The following ZBTB7C variants were observed in gnomAD, a reference collection of about 807,000 sequenced individuals.
The protein encoded by ZBTB7C is zinc finger and BTB domain containing 7C.
In ZBTB7C, 8 loss-of-function variants were observed where a neutral mutation model predicts 25.7. The observed-to-expected ratio is 0.31, with a 90% CI of 0.18 to 0.56. The LOEUF is 0.56. ZBTB7C is among the 20% of genes least tolerant of loss of function. The probability of loss-of-function intolerance (pLI) is 0.91; values close to 1 mark genes in which losing one functional copy is unlikely to be tolerated. For missense variants in ZBTB7C, 824 were observed against 855.2 expected (o/e 0.96, Z 0.46); for synonymous variants, 394 against 369.0 (o/e 1.07, Z -0.78).
Position 48,269,879 on chromosome 18 carries a change from G to GT in ZBTB7C, c.-79+68294dup, listed in dbSNP as rs767334224. Reference sequence around the variant, plus strand: ...TCCACACTGGAGGTTCATTAGCTTGGTCCAGAACAGGATTAAAATAACCTA... The same window carrying GT: ...TCCACACTGGAGGTTCATTAGCTTGGTTCCAGAACAGGATTAAAATAACCTA... On this transcript the variant is annotated intron_variant, in intron 2 of 4. Coordinates refer to ENST00000590800, the MANE Select transcript of ZBTB7C (RefSeq NM_001318841.2). 4.5e-4 allele frequency among the ~76,000 whole-genome samples: 68 copies of GT among 152,218 alleles called. 3 individuals carry two copies. The highest frequency in any genetic ancestry group is 2.5e-3 in the East Asian group (13 of 5,172).
At chr18:48,288,405 T>C (rs2045120493) in intron 2 of ZBTB7C, among the ~76,000 whole-genome samples, 2 of 150,828 alleles carry the variant, frequency 1.3e-5, no homozygotes, top group African/African-American at 4.9e-5. Context: ...TCCCCCACTT[T>C]GGGAGGCCAA....
chr18:48,063,138 G>C (rs1002854608), intron 3 of ZBTB7C, among the ~76,000 whole-genome samples: 6 of 152,204 alleles, frequency 3.9e-5, no homozygotes, highest in African/African-American at 1.4e-4. Flanking sequence ...GACTTTCCTG[G>C]TTGAAGCATT....
chr18:48,395,393 GTGTGTGTGTC>G, intron 1 of ZBTB7C, among the ~76,000 whole-genome samples: 2 of 144,944 alleles, frequency 1.4e-5, no homozygotes, highest in Non-Finnish European at 3.1e-5. Context: ...GTGTGTGTGT[GTGTGTGTGTC>G]AGAGGGGTTG....
intron 2 of ZBTB7C, among the ~76,000 whole-genome samples, chr18:48,320,471 G>A (rs1202830496): frequency 6.6e-6 from 1 of 152,194 alleles, no homozygotes; most frequent in Non-Finnish European, 1.5e-5. Context: ...GGCAGAGGCT[G>A]GGAGGCCAAT....
intron 3 of ZBTB7C, among the ~76,000 whole-genome samples, chr18:48,095,419 T>G (rs1258048665): frequency 1.3e-5 from 2 of 152,176 alleles, no homozygotes; most frequent in Non-Finnish European, 2.9e-5. Context: ...AAATGATTAT[T>G]GGGCCGAGCA....
intron 1 of ZBTB7C, among the ~76,000 whole-genome samples, chr18:48,338,681 G>A (rs993206081): frequency 1.3e-5 from 2 of 152,070 alleles, no homozygotes; most frequent in African/African-American, 4.8e-5. Flanking sequence ...TCATCTGCCT[G>A]AAAGACTCAC....
chr18:48,234,420 C>T (rs78838878), intron 2 of ZBTB7C, among the ~76,000 whole-genome samples: 3,255 of 152,218 alleles, frequency 0.021, 61 homozygotes, highest in Middle Eastern at 0.041. Context: ...ACCCCAACCC[C>T]GGTCTTTTCC....
At chr18:48,399,705 G>C (rs755096661) in intron 1 of ZBTB7C, among the ~76,000 whole-genome samples, 1 of 152,184 alleles carries the variant, frequency 6.6e-6, no homozygotes. Flanking sequence ...GTTACTTAGT[G>C]ACAATCTCAT....
intron 3 of ZBTB7C, among the ~76,000 whole-genome samples, chr18:48,064,228 A>G (rs2037234966): frequency 6.6e-6 from 1 of 152,162 alleles, no homozygotes; most frequent in Non-Finnish European, 1.5e-5. Flanking sequence ...CATTCCAACC[A>G]CTGGGAATTC....
intron 2 of ZBTB7C, among the ~76,000 whole-genome samples, chr18:48,244,393 C>T (rs9953216): frequency 0.16 from 24,072 of 151,330 alleles, 2,108 homozygotes; most frequent in Non-Finnish European, 0.2. Flanking sequence ...CCAGCCTGGG[C>T]GACAGAGTGA....
intron 3 of ZBTB7C, among the ~76,000 whole-genome samples, chr18:48,179,538 C>T (rs1038889644): frequency 6.6e-6 from 1 of 151,870 alleles, no homozygotes; most frequent in Non-Finnish European, 1.5e-5. Context: ...AGGGAAGAGC[C>T]GGGAGGAATG....
intron 3 of ZBTB7C, among the ~76,000 whole-genome samples, chr18:48,180,157 C>CCTTCCTTCCTTCCTTCCTTCTT: frequency 1.2e-5 from 1 of 80,358 alleles, no homozygotes. Flanking sequence ...CTTTCCCTCC[C>CCTTCCTTCCTTCCTTCCTTCTT]TCCCTCCCTT....
chr18:48,118,869 G>GTTCT (rs546126822), intron 3 of ZBTB7C, among the ~76,000 whole-genome samples: 1 of 152,166 alleles, frequency 6.6e-6, no homozygotes, highest in Non-Finnish European at 1.5e-5. Context: ...ATCAATTGGA[G>GTTCT]TTCTTTCTTT....
chr18:48,029,410 C>G lies in ZBTB7C; in HGVS notation c.1710G>C (p.Ala570=). The G allele has an allele frequency of 1.3e-6, 2 of 1,574,632 alleles. No homozygotes were observed. Among genetic ancestry groups the G allele is most frequent in the Non-Finnish European group, 1.7e-6 (2 of 1,164,270 alleles). The change falls in exon 5 of 5, where the codon GCG becomes GCC. Residue 570 remains alanine (A), a synonymous_variant. Coordinates refer to ENST00000590800, the MANE Select transcript of ZBTB7C (RefSeq NM_001318841.2). ...CCAGCGCGAAGGCCAGGAGGCCCCC[C>G]GCGTTCCTCTCAGCCTCCAGCTGCG... ...GRAQLEAERN[A]GGLLAFALAE... is the part of the protein sequence containing the mutation.
chr18:48,390,605 C>A (rs1253184042), intron 1 of ZBTB7C, among the ~76,000 whole-genome samples: 1 of 152,162 alleles, frequency 6.6e-6, no homozygotes. Flanking sequence ...TTAAAACCTG[C>A]CAGCAGCCTC....
intron 1 of ZBTB7C, among the ~76,000 whole-genome samples, chr18:48,384,835 C>G (rs1212396700): frequency 6.6e-6 from 1 of 152,174 alleles, no homozygotes; most frequent in Non-Finnish European, 1.5e-5. Context: ...GCATGCGCCA[C>G]CATGCCCGGC....
At chr18:48,169,198 C>T (rs566586856) in intron 3 of ZBTB7C, among the ~76,000 whole-genome samples, 33 of 152,322 alleles carry the variant, frequency 2.2e-4, no homozygotes, top group African/African-American at 6.0e-4. Context: ...TGCTCCTGCA[C>T]GCATTGTCCC....
Position 48,029,073 on chromosome 18 carries a change from A to G in ZBTB7C, c.*187T>C. 1.2e-6 allele frequency: 1 copy of G among 847,642 alleles called. No homozygotes were observed. The highest frequency in any genetic ancestry group is 1.7e-6 in the Non-Finnish European group (1 of 592,010). 52.5% of individuals were successfully genotyped at this position (847,642 alleles called of 1,614,324 possible). On this transcript the variant is annotated 3_prime_UTR_variant, in exon 5 of 5. Transcript: ENST00000590800. ...CCTTTTGGGAAAAGATGCCCGTCTC[A>G]GACCAGCAAAAGGAGGCAGCTGCTT...
At chr18:48,043,714 A>G (rs1568172220) in intron 3 of ZBTB7C, among the ~76,000 whole-genome samples, 1 of 151,016 alleles carries the variant, frequency 6.6e-6, no homozygotes, top group African/African-American at 2.5e-5. Flanking sequence ...GTTTTGCAAG[A>G]TGTTACCACT....
Sources: allele counts gnomAD v4.1 joint callset (sites outside exome capture counted in the v4.1 genomes callset), GRCh38; gene constraint gnomAD v4.1.1; transcripts MANE v1.5; gene names NCBI Gene and HGNC (gene_info 2026-07-23, HGNC 2026-07-21).